SEC24A: variants seen among roughly 807,000 people sequenced by gnomAD.
SEC24A encodes the protein protein transport protein Sec24A.
SEC24A carries 93 observed loss-of-function variants against 129.4 expected under a neutral mutation model. That is an observed-to-expected ratio of 0.72 (90% CI 0.61 to 0.85). SEC24A has a LOEUF of 0.85. Among genes scored for constraint, SEC24A ranks in the 40% least tolerant of loss-of-function variants. The pLI is 0.00. For missense variants in SEC24A, 1,264 were observed against 1,307.4 expected (o/e 0.97, Z 0.51); for synonymous variants, 460 against 467.3 (o/e 0.98, Z 0.20).
chr5:134,656,484 C>T (rs975220545), intron 1 of SEC24A, among the ~76,000 whole-genome samples: 5 of 150,904 alleles, frequency 3.3e-5, no homozygotes, highest in Non-Finnish European at 7.4e-5. Flanking sequence ...TTGCCATTCC[C>T]CACCTTTGTT....
chr5:134,696,738 T>A (rs1561822799), intron 13 of SEC24A, among the ~76,000 whole-genome samples: 1 of 151,978 alleles, frequency 6.6e-6, no homozygotes, highest in Non-Finnish European at 1.5e-5. Flanking sequence ...GCCCTCGTGA[T>A]CCACCCACCT....
chr5:134,655,336 C>T (rs1201636308), intron 1 of SEC24A, among the ~76,000 whole-genome samples: 1 of 152,156 alleles, frequency 6.6e-6, no homozygotes, highest in Non-Finnish European at 1.5e-5. Flanking sequence ...TCTTTACCCA[C>T]ACATCCCAAA....
chr5:134,692,620 C>G lies in SEC24A; in HGVS notation c.1742C>G (p.Pro581Arg), dbSNP rs748551312. ...CTTTCAGATGTTTTTATACCTATGC[C>G]AGAGAACTTATTAGTAAACTTAAAT... is the stretch of plus-strand genomic sequence containing the variant. ...SDIEDVFIPM[P>R]ENLLVNLNES... The change falls in exon 12 of 23, where the codon CCA (proline) becomes CGA (arginine). Residue 581 changes from proline (P) to arginine (R), a missense_variant. Pro to Arg is a moderately radical substitution (Grantham distance 103). Coordinates refer to ENST00000398844, the MANE Select transcript of SEC24A (RefSeq NM_021982.3). 227 of 1,404,544 alleles carry G rather than the reference C, an allele frequency of 1.6e-4. 2 individuals carry two copies. In the South Asian group the frequency reaches 2.4e-3, roughly 15 times the overall value. The allele number at this position is 1,404,544 out of a possible 1,614,324, so 87.0% of individuals were successfully genotyped here. A position where few individuals can be genotyped will look rare whatever the true frequency, so the allele number is the denominator to read the frequency against.
rs1306395701 is a variant in SEC24A, at chr5:134,725,779, T to A, written c.*685T>A. On this transcript the variant is annotated 3_prime_UTR_variant, in exon 23 of 23. Coordinates refer to ENST00000398844, the MANE Select transcript of SEC24A (RefSeq NM_021982.3). ...ACTATCATTAGGTGGTTTTCTGATT[T>A]CCTGATGAAGAGTTGGACATACTGT... 1.3e-5 allele frequency: 2 copies of A among 152,568 alleles called. No individual in the cohort carries two copies. The highest frequency in any genetic ancestry group is 2.9e-5 in the Non-Finnish European group (2 of 67,986). 9.5% of individuals were successfully genotyped at this position (152,568 alleles called of 1,614,324 possible). A position where few individuals can be genotyped will look rare whatever the true frequency, so the allele number is the denominator to read the frequency against.
intron 12 of SEC24A, chr5:134,693,236 A>AT (rs1367356895): frequency 6.8e-7 from 1 of 1,474,548 alleles, no homozygotes; most frequent in South Asian, 1.4e-5. Flanking sequence ...AGTGCGAAGT[A>AT]TTTTTTTCCC....
chr5:134,710,457 G>C (rs954075435), intron 18 of SEC24A, among the ~76,000 whole-genome samples: 2 of 151,788 alleles, frequency 1.3e-5, no homozygotes. Context: ...GGTTTCTAAC[G>C]CCCAACCTCA....
chr5:134,659,060 T>TTTAG (rs1750350640), intron 1 of SEC24A, among the ~76,000 whole-genome samples: 1 of 147,724 alleles, frequency 6.8e-6, no homozygotes, highest in African/African-American at 2.5e-5. Context: ...TATTTATTTA[T>TTTAG]TTATTTATTT....
intron 2 of SEC24A, among the ~76,000 whole-genome samples, chr5:134,663,172 G>A (rs1049878299): frequency 1.3e-5 from 2 of 151,986 alleles, no homozygotes; most frequent in Non-Finnish European, 2.9e-5. Context: ...CAAACTGCTG[G>A]GCTCAAGCTA....
chr5:134,675,171 G>C lies in SEC24A; in HGVS notation c.1105G>C (p.Val369Leu). ...MLPSTPLKPP[V>L]PNLHEDIQKL... is the part of the protein sequence containing the mutation. ...TCCGTCAACACCTTTGAAGCCTCCA[G>C]TTCCAAATTTGCATGAAGACATCCA... The change falls in exon 6 of 23, where the codon GTT becomes CTT. Residue 369 changes from valine (V) to leucine (L), a missense_variant. By Grantham distance (32) the Val-to-Leu change is conservative. Coordinates refer to ENST00000398844, the MANE Select transcript of SEC24A (RefSeq NM_021982.3). The C allele has an allele frequency of 6.2e-7, 1 of 1,613,374 alleles. No homozygotes were observed. Among genetic ancestry groups the C allele is most frequent in the Non-Finnish European group, 8.5e-7 (1 of 1,179,520 alleles).
intron 4 of SEC24A, among the ~76,000 whole-genome samples, chr5:134,673,485 GAC>G (rs1261026809): frequency 6.6e-6 from 1 of 151,562 alleles, no homozygotes; most frequent in East Asian, 1.9e-4. Flanking sequence ...TTGTTTTTGA[GAC>G]AGTTTCCCTC....
intron 21 of SEC24A, among the ~76,000 whole-genome samples, chr5:134,722,203 A>G (rs771489912): frequency 4.6e-5 from 7 of 151,808 alleles, no homozygotes; most frequent in Admixed American, 2.0e-4. Flanking sequence ...TAACAATGGC[A>G]AGGTTGCCCG....
intron 21 of SEC24A, among the ~76,000 whole-genome samples, chr5:134,721,394 C>T (rs1351496932): frequency 2.0e-5 from 3 of 151,700 alleles, no homozygotes; most frequent in Non-Finnish European, 4.4e-5. Flanking sequence ...GAACCCCCTT[C>T]TCTACTAAAA....
At position 134,705,378 on chromosome 5, in the gene SEC24A, T is replaced by C; in HGVS notation, c.2492T>C (p.Leu831Pro). The part of the protein sequence containing the change: ...HTLCLPVVST[L>P]NDVFLGADVQ... ...TTGTGTTTGCCAGTAGTTTCGACTC[T>C]GAATGATGTCTTTCTTGGAGCTGAT... The change falls in exon 17 of 23, where the codon CTG becomes CCG. Residue 831 changes from leucine (L) to proline (P), a missense_variant. Leu to Pro is a moderately conservative substitution (Grantham distance 98, BLOSUM62 -3). Coordinates refer to ENST00000398844, the MANE Select transcript of SEC24A (RefSeq NM_021982.3). 1 of 1,613,604 alleles carries C rather than the reference T, an allele frequency of 6.2e-7. No homozygotes were observed. The highest frequency in any genetic ancestry group is 1.1e-5 in the South Asian group (1 of 90,964).
intron 2 of SEC24A, among the ~76,000 whole-genome samples, chr5:134,662,756 T>G (rs765847474): frequency 1.3e-5 from 2 of 152,226 alleles, no homozygotes; most frequent in Non-Finnish European, 2.9e-5. Context: ...CTGCAATTAG[T>G]AGAGCTAAAA....
intron 11 of SEC24A, among the ~76,000 whole-genome samples, chr5:134,692,236 A>G (rs1042616468): frequency 6.6e-6 from 1 of 151,980 alleles, no homozygotes; most frequent in Admixed American, 6.6e-5. Flanking sequence ...TTGTAAAGAC[A>G]GGGTTTTACT....
chr5:134,726,919 T>C lies in SEC24A; in HGVS notation c.*1825T>C, dbSNP rs1433575091. ...CATCCCTAAGTGGGTATGACTCTTG[T>C]TATTACCACATGCTTTTTTAGTATA... On this transcript the variant is annotated 3_prime_UTR_variant, in exon 23 of 23. Coordinates refer to ENST00000398844, the MANE Select transcript of SEC24A (RefSeq NM_021982.3). The C allele has an allele frequency of 6.6e-6, 1 of 152,152 alleles. No individual in the cohort carries two copies. Among genetic ancestry groups the C allele is most frequent in the African/African-American group, 2.4e-5 (1 of 41,454 alleles). The allele number at this position is 152,152 out of a possible 1,614,324, so 9.4% of individuals were successfully genotyped here. A position where few individuals can be genotyped will look rare whatever the true frequency, so the allele number is the denominator to read the frequency against.
chr5:134,655,635 T>G lies in SEC24A; in HGVS notation c.98-5484T>G, dbSNP rs571978002. ...GTGAGCCGAGATCATGACATTGCAC[T>G]GCAGCCTGGGCGACAGAGCAAGAAT... is the stretch of plus-strand genomic sequence containing the variant. On this transcript the variant is annotated intron_variant, in intron 1 of 22. Transcript: ENST00000398844. Among the ~76,000 whole-genome samples, 43 of 152,168 alleles carry G rather than the reference T, an allele frequency of 2.8e-4. No homozygotes were observed. The South Asian group carries it at 8.9e-3, about 32-fold the overall frequency.
chr5:134,688,085 T>G, intron 10 of SEC24A, 96 bp from the exon 11 acceptor site: 1 of 780,422 alleles, frequency 1.3e-6, no homozygotes, highest in Non-Finnish European at 2.3e-6. Context: ...TCTATAATAT[T>G]GAATTAGATA....
intron 7 of SEC24A, 130 bp downstream of exon 7, chr5:134,676,255 T>G: frequency 1.7e-6 from 1 of 585,494 alleles, no homozygotes; most frequent in Non-Finnish European, 2.9e-6. Context: ...TTTTCCTGCC[T>G]CAGCCTCCCT....
Sources: gnomAD v4.1 joint callset for allele counts (sites outside exome capture counted in the v4.1 genomes callset) on GRCh38, gnomAD v4.1.1 for gene constraint, MANE v1.5 for transcripts, NCBI Gene and HGNC (gene_info 2026-07-23, HGNC 2026-07-21) for gene names.